Variants in ARMC2 observed in about 807,000 individuals in gnomAD.
ARMC2 encodes the protein armadillo repeat containing 2.
Under a neutral mutation model 90.3 loss-of-function variants are expected in ARMC2, and 67 were observed. The ratio of observed to expected loss-of-function variants is 0.74; its 90% CI spans 0.61 to 0.91. The LOEUF (loss-of-function observed/expected upper bound fraction) is 0.91. Among genes scored for constraint, ARMC2 ranks in the 40% least tolerant of loss-of-function variants. The pLI is 0.00. For synonymous variants in ARMC2, 393 were observed against 393.0 expected (o/e 1.00, Z 0.00); for missense variants, 920 against 1,030.9 (o/e 0.89, Z 1.47).
chr6:108,992,902 G>A, the ARMC2 span: 5 of 1,583,458 alleles, frequency 3.2e-6, no homozygotes, highest in South Asian at 4.5e-5. Flanking sequence ...TTCATCATCT[G>A]GGAAAAAAGG....
At chr6:108,875,685 T>C (rs1327765069) in intron 4 of ARMC2, among the ~76,000 whole-genome samples, 1 of 152,198 alleles carries the variant, frequency 6.6e-6, no homozygotes, top group Non-Finnish European at 1.5e-5. Context: ...TATTTTCTGT[T>C]GATTAGGTTG....
At position 108,899,483 on chromosome 6, in the gene ARMC2, G is replaced by T. The variant is rs7749085; in HGVS notation, c.749-211G>T. ...TGACCAGATCACATTTTAAAGTTCT[G>T]ATTTTTTACATTATCCAGTCTGAGT... is the stretch of plus-strand genomic sequence containing the variant. On this transcript the variant is annotated intron_variant, in intron 6 of 17. Coordinates refer to ENST00000392644, the MANE Select transcript of ARMC2 (RefSeq NM_032131.6). Among the ~76,000 whole-genome samples, 1,265 of 152,206 alleles carry T rather than the reference G, an allele frequency of 8.3e-3. 13 individuals carry two copies. Among genetic ancestry groups the T allele is most frequent in the African/African-American group, 0.027 (1,140 of 41,522 alleles).
chr6:109,041,179 G>A, the ARMC2 span, among the ~76,000 whole-genome samples: 3 of 151,522 alleles, frequency 2.0e-5, no homozygotes, highest in African/African-American at 4.8e-5. Flanking sequence ...AGGCATTGTG[G>A]CATGCACCTA....
chr6:108,850,788 G>A (rs1431271198), intron 1 of ARMC2, among the ~76,000 whole-genome samples: 2 of 152,138 alleles, frequency 1.3e-5, no homozygotes, highest in African/African-American at 2.4e-5. Flanking sequence ...TCACGTGGAC[G>A]GTTGGGGCAG....
At chr6:108,943,186 C>T (rs1329219052) in intron 12 of ARMC2, among the ~76,000 whole-genome samples, 1 of 152,066 alleles carries the variant, frequency 6.6e-6, no homozygotes, top group East Asian at 1.9e-4. Context: ...CAAAATTTTC[C>T]ATTATTTTTA....
chr6:108,849,602 G>A (rs927760509), intron 1 of ARMC2, among the ~76,000 whole-genome samples: 1 of 152,066 alleles, frequency 6.6e-6, no homozygotes, highest in African/African-American at 2.4e-5. Flanking sequence ...TTTTTTAAAT[G>A]TAGTTTTTCA....
the ARMC2 span, among the ~76,000 whole-genome samples, chr6:109,004,236 G>GAATA: frequency 2.0e-5 from 3 of 151,896 alleles, no homozygotes; most frequent in Non-Finnish European, 4.4e-5. Context: ...GCAGGCCTAA[G>GAATA]AATACCACAA....
intron 4 of ARMC2, among the ~76,000 whole-genome samples, chr6:108,870,525 GAGAA>G (rs1219064518): frequency 6.6e-6 from 1 of 150,508 alleles, no homozygotes; most frequent in East Asian, 2.0e-4. Flanking sequence ...GAGACAGAAA[GAGAA>G]AGGAAGGTAG....
intron 5 of ARMC2, among the ~76,000 whole-genome samples, chr6:108,887,506 T>C (rs1770484862): frequency 6.6e-6 from 1 of 152,150 alleles, no homozygotes; most frequent in African/African-American, 2.4e-5. Flanking sequence ...TGGTTACAGC[T>C]GGAACTGAGG....
intron 5 of ARMC2, among the ~76,000 whole-genome samples, chr6:108,879,162 A>T (rs1299224413): frequency 6.7e-6 from 1 of 149,656 alleles, no homozygotes; most frequent in Non-Finnish European, 1.5e-5. Flanking sequence ...CCATCTATCC[A>T]CCCATTCACC....
chr6:108,877,347 C>T (rs929632999), intron 5 of ARMC2, among the ~76,000 whole-genome samples: 7 of 152,156 alleles, frequency 4.6e-5, no homozygotes, highest in African/African-American at 1.7e-4. Context: ...TTAGCTGAAC[C>T]GACCTTGTCT....
chr6:109,030,434 G>A, the ARMC2 span, among the ~76,000 whole-genome samples: 9 of 152,182 alleles, frequency 5.9e-5, no homozygotes, highest in Non-Finnish European at 1.2e-4. Context: ...AAGGGGAAAA[G>A]ACAGTAGAAG....
At chr6:108,893,877 G>T (rs999876226) in intron 5 of ARMC2, among the ~76,000 whole-genome samples, 2 of 152,172 alleles carry the variant, frequency 1.3e-5, no homozygotes, top group African/African-American at 4.8e-5. Flanking sequence ...AATTATCCGG[G>T]CATGGTGGCA....
intron 10 of ARMC2, among the ~76,000 whole-genome samples, chr6:108,921,431 A>G (rs1255062354): frequency 1.3e-5 from 2 of 152,226 alleles, no homozygotes; most frequent in Non-Finnish European, 2.9e-5. Flanking sequence ...GTAGCCAGGC[A>G]CCGAGTGTTA....
rs1772725260 is a variant in ARMC2 at position 108,906,448 on chromosome 6, T to C, written c.1023+2043T>C. The stretch of plus-strand genomic sequence containing the variant: ...TTTTAACATAAGAAGAAAACTACCC[T>C]ACCACAAGAACCTACTTTGTGCCAA... On this transcript the variant is annotated intron_variant, in intron 8 of 17. Transcript: ENST00000392644. Among the ~76,000 whole-genome samples, 4 of 152,208 alleles carry C rather than the reference T, an allele frequency of 2.6e-5. No individual in the cohort carries two copies. In the South Asian group the frequency reaches 8.3e-4, roughly 32 times the overall value.
chr6:108,997,275 T>C, the ARMC2 span, among the ~76,000 whole-genome samples: 1 of 152,320 alleles, frequency 6.6e-6, no homozygotes, highest in South Asian at 2.1e-4. Context: ...TCAAGTACTT[T>C]TTTCTTTAGC....
At chr6:109,039,784 C>T in the ARMC2 span, among the ~76,000 whole-genome samples, 15 of 152,160 alleles carry the variant, frequency 9.9e-5, no homozygotes, top group African/African-American at 3.6e-4. Flanking sequence ...TTTTTAAGAA[C>T]CTTGTTGATC....
At chr6:109,014,724 G>A in the ARMC2 span, among the ~76,000 whole-genome samples, 5 of 152,082 alleles carry the variant, frequency 3.3e-5, no homozygotes, top group Non-Finnish European at 7.4e-5. Flanking sequence ...ACTCCTCTCA[G>A]TGTCTCTTTC....
At chr6:108,971,355 C>G (rs1001948124) in intron 17 of ARMC2, among the ~76,000 whole-genome samples, 2 of 152,142 alleles carry the variant, frequency 1.3e-5, no homozygotes, top group African/African-American at 4.8e-5. Flanking sequence ...GTGGGGAGAT[C>G]CAGGTTTGCT....
Sources: gnomAD v4.1 joint callset for allele counts (sites outside exome capture counted in the v4.1 genomes callset) on GRCh38, gnomAD v4.1.1 for gene constraint, MANE v1.5 for transcripts, NCBI Gene and HGNC (gene_info 2026-07-23, HGNC 2026-07-21) for gene names.